Variants in ZNF10 observed in about 807,000 individuals in gnomAD.
The protein encoded by ZNF10 is zinc finger protein 10 (KOX 1).
A neutral mutation model predicts 12.2 loss-of-function variants in ZNF10; 8 were observed. The ratio of observed to expected loss-of-function variants is 0.66; its 90% CI spans 0.39 to 1.18. ZNF10 has a LOEUF of 1.18. Ranked by LOEUF, ZNF10 falls within the 50% of genes most tolerant of loss-of-function variation. ZNF10 has a pLI of 0.01. For synonymous variants in ZNF10, 229 were observed against 228.2 expected, an observed-to-expected ratio of 1.00 and a Z score of -0.03; for missense variants, 603 against 678.9, an observed-to-expected ratio of 0.89 and a Z score of 1.24.
At position 133,156,095 on chromosome 12, in the gene ZNF10, T is replaced by TTCTATGGAAAACCTTTGTACAAA; in HGVS notation, c.849_850insTCTATGGAAAACCTTTGTACAAA (p.Gln284SerfsTer125). 6.2e-7 allele frequency: 1 copy of TTCTATGGAAAACCTTTGTACAAA among 1,613,440 alleles called. No individual in the cohort carries two copies. The highest frequency in any genetic ancestry group is 8.5e-7 in the Non-Finnish European group (1 of 1,180,002). The stretch of plus-strand genomic sequence containing the variant: ...GCTGGCGCTCTAATCTTACTAGGCA[T>TTCTATGGAAAACCTTTGTACAAA]CAGCTTATTCATACTGGAGAAAAAC... On this transcript the variant is annotated frameshift_variant, in exon 5 of 5. Transcript: ENST00000248211. LOFTEE classifies it low-confidence loss of function (END_TRUNC).
intron 1 of ZNF10, among the ~76,000 whole-genome samples, chr12:133,142,401 C>T (rs1955950469): frequency 1.7e-5 from 2 of 120,174 alleles, no homozygotes; most frequent in African/African-American, 3.5e-5. Flanking sequence ...CAGAGTGAGA[C>T]TCCGTCTCCA....
At chr12:133,145,682 A>G (rs10083052) in intron 2 of ZNF10, among the ~76,000 whole-genome samples, 90,813 of 151,206 alleles carry the variant, frequency 0.6, 28,192 homozygotes, top group African/African-American at 0.72. Flanking sequence ...GCGTGGTGGC[A>G]TAGTCCTAGC....
At chr12:133,152,389 A>G (rs1956014469) in intron 4 of ZNF10, among the ~76,000 whole-genome samples, 1 of 152,074 alleles carries the variant, frequency 6.6e-6, no homozygotes, top group Admixed American at 6.6e-5. Context: ...TGCTCACAGA[A>G]ACACCAGTTT....
chr12:133,136,854 G>A (rs11147250), intron 1 of ZNF10, among the ~76,000 whole-genome samples: 91,786 of 151,906 alleles, frequency 0.6, 28,732 homozygotes, highest in African/African-American at 0.73. Flanking sequence ...GGCAGCTTGA[G>A]TGGATTCAGA....
At chr12:133,149,748 G>A (rs1226066178) in intron 2 of ZNF10, among the ~76,000 whole-genome samples, 3 of 150,738 alleles carry the variant, frequency 2.0e-5, no homozygotes, top group Non-Finnish European at 4.4e-5. Context: ...TAATACAATT[G>A]GATTTAAGTG....
At chr12:133,145,833 A>G (rs1039923650) in intron 2 of ZNF10, among the ~76,000 whole-genome samples, 2 of 145,460 alleles carry the variant, frequency 1.4e-5, no homozygotes, top group Admixed American at 6.8e-5. Flanking sequence ...AAAGAAAAAA[A>G]CAAAAAAAAC....
chr12:133,151,962 G>C, intron 4 of ZNF10, 58 bp downstream of exon 4: 1 of 1,391,732 alleles, frequency 7.2e-7, no homozygotes, highest in South Asian at 1.2e-5. Context: ...TGAGGTGCCA[G>C]AACTTCTAGA....
At chr12:133,136,800 C>T (rs1162687565) in intron 1 of ZNF10, among the ~76,000 whole-genome samples, 2 of 152,134 alleles carry the variant, frequency 1.3e-5, no homozygotes, top group Non-Finnish European at 2.9e-5. Flanking sequence ...TGACAAAAGA[C>T]CATCCTCCTC....
intron 1 of ZNF10, among the ~76,000 whole-genome samples, chr12:133,142,658 T>C: frequency 6.6e-6 from 1 of 152,132 alleles, no homozygotes; most frequent in South Asian, 2.1e-4. Flanking sequence ...ACTTCATCCT[T>C]ACTAGGATGG....
chr12:133,150,909 G>A, intron 2 of ZNF10, 119 bp from the exon 3 acceptor site: 1 of 1,238,928 alleles, frequency 8.1e-7, no homozygotes, highest in Non-Finnish European at 1.1e-6. Context: ...ATAAATTGTG[G>A]TCCATCCACT....
intron 1 of ZNF10, among the ~76,000 whole-genome samples, chr12:133,131,287 C>G (rs971397383): frequency 6.6e-6 from 1 of 151,656 alleles, no homozygotes; most frequent in Non-Finnish European, 1.5e-5. Flanking sequence ...TTTTCAGAGA[C>G]AGATCATAAG....
At chr12:133,155,088 AAAGAG>A (rs1208269240) in intron 4 of ZNF10, among the ~76,000 whole-genome samples, 3 of 152,164 alleles carry the variant, frequency 2.0e-5, no homozygotes, top group Non-Finnish European at 4.4e-5. Context: ...AAAAAAAAAA[AAAGAG>A]AGAGAATACT....
rs1464281053 is a variant in ZNF10 at position 133,155,983 on chromosome 12, C to CTCT, written c.739_741dup (p.Leu247dup). ...TACAAATGCCCTGATAATGACAACT[C>CTCT]TCTTACTCATGGTTCATCTCTTGGT... On this transcript the variant is annotated inframe_insertion, in exon 5 of 5. Coordinates refer to ENST00000248211, the MANE Select transcript of ZNF10 (RefSeq NM_015394.5). 12 of 1,613,878 alleles carry CTCT rather than the reference C, an allele frequency of 7.4e-6. No individual in the cohort carries two copies. Among genetic ancestry groups the CTCT allele is most frequent in the Non-Finnish European group, 1.0e-5 (12 of 1,180,030 alleles).
In ZNF10 at chr12:133,140,698, T is replaced by A. The variant is rs988116477; in HGVS notation, c.-59-3736T>A. Among the ~76,000 whole-genome samples the A allele has an allele frequency of 2.0e-5, 3 of 152,220 alleles. No homozygotes were observed. In the South Asian group the frequency reaches 6.2e-4, roughly 31 times the overall value. On this transcript the variant is annotated intron_variant, in intron 1 of 4. Transcript: ENST00000248211. ...AATTTATTTTAAATTTAGATTTTTTTAATTTCCATTTTTTGAATACTAAAT... is the reference window on the plus strand; with the variant it reads ...AATTTATTTTAAATTTAGATTTTTTAAATTTCCATTTTTTGAATACTAAAT...
Position 133,130,643 on chromosome 12 carries a change from C to T in ZNF10, c.-171C>T, listed in dbSNP as rs1363380758. 4 of 152,466 alleles carry T rather than the reference C, an allele frequency of 2.6e-5. No individual in the cohort carries two copies. Among genetic ancestry groups the T allele is most frequent in the East Asian group, 3.9e-4 (2 of 5,176 alleles). 9.4% of individuals were successfully genotyped at this position (152,466 alleles called of 1,614,324 possible). ...GCCGGCCTCAGACTCACCTCTGACG[C>T]CGCTCTTCGCGCTCCGCTGGTGAAT... On this transcript the variant is annotated 5_prime_UTR_variant, in exon 1 of 5. Transcript: ENST00000248211.
rs1308066802 is a variant in ZNF10, at chr12:133,158,289, A to G, written c.*1321A>G. The G allele has an allele frequency of 6.6e-6, 1 of 152,164 alleles. No homozygotes were observed. Among genetic ancestry groups the G allele is most frequent in the Admixed American group, 6.6e-5 (1 of 15,264 alleles). The allele number at this position is 152,164 out of a possible 1,614,324, so 9.4% of individuals were successfully genotyped here. A position where few individuals can be genotyped will look rare whatever the true frequency, so the allele number is the denominator to read the frequency against. On this transcript the variant is annotated 3_prime_UTR_variant, in exon 5 of 5. Coordinates refer to ENST00000248211, the MANE Select transcript of ZNF10 (RefSeq NM_015394.5). The stretch of plus-strand genomic sequence containing the variant: ...CTGTGATTATTAATAATATTGCCGC[A>G]CCCTAATATCTGTTATTTAATTGAA...
chr12:133,151,692 G>C, intron 3 of ZNF10, 117 bp from the exon 4 acceptor site: 1 of 605,330 alleles, frequency 1.7e-6, no homozygotes, highest in South Asian at 2.4e-5. Context: ...GTCAACTTTA[G>C]AGTCCCTGCC....
intron 2 of ZNF10, among the ~76,000 whole-genome samples, chr12:133,149,352 CTTTTTT>C (rs144304054): frequency 7.0e-5 from 6 of 85,806 alleles, no homozygotes; most frequent in Non-Finnish European, 1.3e-4. Flanking sequence ...TTTGCTATTG[CTTTTTT>C]TTTTTTTTTT....
At chr12:133,132,736 C>G (rs369118729) in intron 1 of ZNF10, among the ~76,000 whole-genome samples, 1 of 152,154 alleles carries the variant, frequency 6.6e-6, no homozygotes, top group East Asian at 1.9e-4. Flanking sequence ...AATGAACATC[C>G]AAGAGCATTA....
Sources: allele counts gnomAD v4.1 joint callset (sites outside exome capture counted in the v4.1 genomes callset), GRCh38; gene constraint gnomAD v4.1.1; transcripts MANE v1.5; gene names NCBI Gene and HGNC (gene_info 2026-07-23, HGNC 2026-07-21).